Variants in KAZN observed in about 807,000 individuals in gnomAD.
KAZN encodes kazrin, periplakin interacting protein, also known as kazrin.
Under a neutral mutation model 87.4 loss-of-function variants are expected in KAZN, and 40 were observed. The observed-to-expected ratio is 0.46, with a 90% CI of 0.36 to 0.60. The LOEUF is 0.60. Among genes scored for constraint, KAZN ranks in the 20% least tolerant of loss-of-function variants. KAZN has a pLI of 0.00. For missense variants in KAZN, 898 were observed against 1,073.9 expected (o/e 0.84, Z 2.29); for synonymous variants, 466 against 458.3 (o/e 1.02, Z -0.22).
intron 1 of KAZN, among the ~76,000 whole-genome samples, chr1:14,602,449 C>T (rs904136171): frequency 4.6e-5 from 7 of 152,138 alleles, no homozygotes; most frequent in Non-Finnish European, 7.3e-5. Flanking sequence ...GGTGGGGTCA[C>T]GGCAGCCTTT....
chr1:15,072,073 C>T (rs1469483915), intron 8 of KAZN, among the ~76,000 whole-genome samples: 1 of 152,184 alleles, frequency 6.6e-6, no homozygotes, highest in Non-Finnish European at 1.5e-5. Context: ...GATAATCGCT[C>T]CCAGTTCTGG....
chr1:14,216,406 G>C (rs1032015728), intron 2 of KAZN, among the ~76,000 whole-genome samples: 1 of 152,172 alleles, frequency 6.6e-6, no homozygotes, highest in African/African-American at 2.4e-5. Context: ...AGGACAAACT[G>C]TTGAGAGCAG....
intron 2 of KAZN, among the ~76,000 whole-genome samples, chr1:14,435,286 T>C (rs1419456387): frequency 1.6e-4 from 25 of 152,178 alleles, no homozygotes; most frequent in Admixed American, 1.3e-3. Context: ...GTGGCCATCC[T>C]TTGGCATTTC....
intron 2 of KAZN, among the ~76,000 whole-genome samples, chr1:14,478,249 A>G (rs370676983): frequency 7.4e-4 from 75 of 101,498 alleles, no homozygotes; most frequent in Admixed American, 1.0e-3. Context: ...AGGAAGGAAA[A>G]GAAGGAAGGA....
intron 2 of KAZN, among the ~76,000 whole-genome samples, chr1:14,196,210 C>T (rs1646523157): frequency 6.6e-6 from 1 of 152,140 alleles, no homozygotes; most frequent in African/African-American, 2.4e-5. Context: ...GAAGACAGGG[C>T]AAGGTAAGCC....
At chr1:13,961,610 G>A (rs1641756284) in intron 1 of KAZN, among the ~76,000 whole-genome samples, 1 of 152,160 alleles carries the variant, frequency 6.6e-6, no homozygotes, top group Non-Finnish European at 1.5e-5. Flanking sequence ...ACAAGTAGAT[G>A]TTTTCATGTT....
At chr1:14,088,200 T>C (rs1014921684) in intron 1 of KAZN, among the ~76,000 whole-genome samples, 23 of 151,802 alleles carry the variant, frequency 1.5e-4, no homozygotes, top group Non-Finnish European at 3.0e-4. Context: ...TTTGCATCTT[T>C]TTCTAGTTTC....
chr1:14,095,194 AG>A (rs1162500974), intron 1 of KAZN, among the ~76,000 whole-genome samples: 2 of 152,114 alleles, frequency 1.3e-5, no homozygotes, highest in African/African-American at 4.8e-5. Context: ...AAATGTCCCT[AG>A]GGGGCAGTAT....
chr1:14,875,096 C>T (rs1652604228), intron 1 of KAZN, among the ~76,000 whole-genome samples: 1 of 151,940 alleles, frequency 6.6e-6, no homozygotes, highest in South Asian at 2.1e-4. Context: ...CTTTGGGAGG[C>T]TGAGGCAAGC....
In KAZN at chr1:15,007,098, G is replaced by A. The variant is rs534059370; in HGVS notation, c.419-27651G>A. On this transcript the variant is annotated intron_variant, in intron 2 of 14. Transcript: ENST00000376030. ...AAAAAGAAAAACAGAAAATTCCAGG[G>A]AAGGATTGATTGATGATACTCATAA... Among the ~76,000 whole-genome samples the A allele has an allele frequency of 9.9e-5, 15 of 151,012 alleles. No homozygotes were observed. In the East Asian group the frequency reaches 2.9e-3, roughly 29 times the overall value.
At chr1:14,446,054 A>G (rs1666967837) in intron 2 of KAZN, among the ~76,000 whole-genome samples, 1 of 151,934 alleles carries the variant, frequency 6.6e-6, no homozygotes, top group East Asian at 1.9e-4. Flanking sequence ...AAGTTAGCCA[A>G]GTGTGCTGGT....
At chr1:14,724,139 C>T (rs534195528) in intron 1 of KAZN, among the ~76,000 whole-genome samples, 6 of 152,244 alleles carry the variant, frequency 3.9e-5, no homozygotes, top group South Asian at 2.1e-4. Flanking sequence ...TGATTAATTC[C>T]GGGTGGCGAG....
At chr1:14,208,960 TATG>T (rs1484120140) in intron 2 of KAZN, among the ~76,000 whole-genome samples, 1 of 152,236 alleles carries the variant, frequency 6.6e-6, no homozygotes, top group Non-Finnish European at 1.5e-5. Context: ...AGTTAGGAAC[TATG>T]ATGAGAATTG....
intron 1 of KAZN, among the ~76,000 whole-genome samples, chr1:14,886,014 C>T (rs549098452): frequency 5.3e-5 from 8 of 152,062 alleles, no homozygotes; most frequent in African/African-American, 1.7e-4. Flanking sequence ...GCCAGTAACA[C>T]CCCCCGCCCC....
At position 14,959,003 on chromosome 1, in the gene KAZN, G is replaced by A. The variant is rs535111224; in HGVS notation, c.227-1681G>A. The stretch of plus-strand genomic sequence containing the variant: ...ATGGACAAAACAGACTCAAGTTCCC[G>A]CCCTCCTGGGCCTTACAGCCAGCCT... On this transcript the variant is annotated intron_variant, in intron 1 of 14. Transcript: ENST00000376030. Among the ~76,000 whole-genome samples, 100 of 152,342 alleles carry A rather than the reference G, an allele frequency of 6.6e-4. 1 individual carries two copies. The highest frequency in any genetic ancestry group is 2.3e-3 in the South Asian group (11 of 4,830).
At chr1:14,372,742 A>G (rs1207117602) in intron 2 of KAZN, among the ~76,000 whole-genome samples, 1 of 152,154 alleles carries the variant, frequency 6.6e-6, no homozygotes, top group African/African-American at 2.4e-5. Flanking sequence ...ATTGTTGATT[A>G]CAAGTGGCAA....
chr1:14,206,192 A>T (rs1242115604), intron 2 of KAZN, among the ~76,000 whole-genome samples: 2 of 152,182 alleles, frequency 1.3e-5, no homozygotes, highest in South Asian at 2.1e-4. Context: ...AATTTAGAAA[A>T]TACAACAGGT....
chr1:14,115,321 G>A (rs1041755208), intron 1 of KAZN, among the ~76,000 whole-genome samples: 1 of 152,220 alleles, frequency 6.6e-6, no homozygotes, highest in Non-Finnish European at 1.5e-5. Context: ...TGGTTTGGCT[G>A]TGCCCCCACC....
intron 2 of KAZN, among the ~76,000 whole-genome samples, chr1:14,565,172 C>T (rs2148535035): frequency 6.6e-6 from 1 of 152,296 alleles, no homozygotes; most frequent in Admixed American, 6.5e-5. Context: ...CCTCTCCCTC[C>T]CTGCCCTTCC....
Sources: allele counts gnomAD v4.1 joint callset (sites outside exome capture counted in the v4.1 genomes callset), GRCh38; gene constraint gnomAD v4.1.1; transcripts MANE v1.5; gene names NCBI Gene and HGNC (gene_info 2026-07-23, HGNC 2026-07-21).